Variants in DMD observed in about 807,000 individuals in gnomAD.
The protein encoded by DMD is dystrophin, also known as mutant dystrophin.
In DMD, 63 loss-of-function variants were observed where a neutral mutation model predicts 330.1. The observed-to-expected ratio is 0.19, with a 90% CI of 0.16 to 0.24. The LOEUF is 0.24. Ranked by LOEUF, DMD falls within the 10% of genes least tolerant of loss-of-function variation. The probability of loss-of-function intolerance (pLI) is 1.00; values close to 1 mark genes in which losing one functional copy is unlikely to be tolerated. For missense variants in DMD, 3,344 were observed against 2,684.1 expected (o/e 1.25, Z -5.43); for synonymous variants, 1,223 against 959.8 (o/e 1.27, Z -5.07).
chrX:32,723,630 T>C (rs2066558963), intron 7 of DMD, among the ~76,000 whole-genome samples: 2 of 111,380 alleles, frequency 1.8e-5, no homozygotes, highest in Admixed American at 9.6e-5. Flanking sequence ...TATTGTACAC[T>C]GAACATTAGC....
chrX:32,858,809 A>C (rs1290222734), intron 2 of DMD, among the ~76,000 whole-genome samples: 1 of 110,731 alleles, frequency 9.0e-6, no homozygotes, highest in Non-Finnish European at 1.9e-5. Flanking sequence ...CTAACATACT[A>C]TTTCTCTTGG....
intron 61 of DMD, among the ~76,000 whole-genome samples, chrX:31,341,886 C>T (rs891709674): frequency 1.4e-5 from 1 of 72,145 alleles, no homozygotes; most frequent in African/African-American, 5.7e-5. Context: ...CGTGCGTGCG[C>T]GCGCGCACAC....
At chrX:31,947,968 G>A (rs773051380) in intron 45 of DMD, among the ~76,000 whole-genome samples, 1 of 110,760 alleles carries the variant, frequency 9.0e-6, no homozygotes, top group East Asian at 2.8e-4. Context: ...CAGATCTTTA[G>A]AACTTATTTA....
chrX:32,659,061 C>T (rs1187999135), intron 9 of DMD, among the ~76,000 whole-genome samples: 2 of 111,974 alleles, frequency 1.8e-5, no homozygotes. Context: ...TTCACTGCCT[C>T]ATTGTTTTTA....
chrX:32,720,252 A>AGCT (rs1304785592), intron 7 of DMD, among the ~76,000 whole-genome samples: 6 of 111,168 alleles, frequency 5.4e-5, no homozygotes, highest in African/African-American at 1.6e-4. Context: ...ATGAACTCCT[A>AGCT]GAAGACAATG....
intron 44 of DMD, among the ~76,000 whole-genome samples, chrX:32,214,661 A>G (rs1225794447): frequency 8.9e-6 from 1 of 111,781 alleles, no homozygotes; most frequent in African/African-American, 3.3e-5. Flanking sequence ...AGTGGGGAAA[A>G]AGTAGCCCTA....
chrX:31,122,352 G>A (rs1430975641), intron 78 of DMD, among the ~76,000 whole-genome samples: 1 of 110,656 alleles, frequency 9.0e-6, no homozygotes, highest in East Asian at 2.8e-4. Context: ...TTGTATTAAC[G>A]AACATTTTTT....
In DMD at chrX:33,038,431, C is replaced by T. The variant is rs1402395898; in HGVS notation, c.32-18231G>A. ...CAATAATAAAATAAGCAAATGCCTG[C>T]TTTTATTTTCTCCTAATTAACAAGT... is the stretch of plus-strand genomic sequence containing the variant. On this transcript the variant is annotated intron_variant, in intron 1 of 78. Coordinates refer to ENST00000357033, the MANE Select transcript of DMD (RefSeq NM_004006.3). Among the ~76,000 whole-genome samples, 3 of 111,724 alleles carry T rather than the reference C, an allele frequency of 2.7e-5. No individual in the cohort carries two copies. The East Asian group carries it at 8.5e-4, about 32-fold the overall frequency.
At chrX:31,843,847 T>TATTGTATTGTATTGTATGGTATTATATTG (rs774530515) in intron 48 of DMD, among the ~76,000 whole-genome samples, 1 of 109,178 alleles carries the variant, frequency 9.2e-6, no homozygotes, top group East Asian at 2.9e-4. Context: ...GTTTGAGATT[T>TATTGTATTGTATTGTATGGTATTATATTG]TATTGTATTG....
At chrX:32,817,509 C>A (rs1469985120) in intron 5 of DMD, among the ~76,000 whole-genome samples, 1 of 111,939 alleles carries the variant, frequency 8.9e-6, no homozygotes, top group Non-Finnish European at 1.9e-5. Context: ...ATAGAAAAAA[C>A]TGTCTACATC....
chrX:32,727,773 A>G (rs1434076146), intron 7 of DMD, among the ~76,000 whole-genome samples: 1 of 111,022 alleles, frequency 9.0e-6, no homozygotes, highest in Non-Finnish European at 1.9e-5. Context: ...ACACATATAC[A>G]TATTAGCCTT....
intron 2 of DMD, among the ~76,000 whole-genome samples, chrX:32,863,915 T>TCTA (rs1263340104): frequency 8.9e-6 from 1 of 111,847 alleles, no homozygotes; most frequent in East Asian, 2.8e-4. Context: ...TAAGGGTCTG[T>TCTA]CTACAGGAAG....
chrX:31,377,759 CCT>C (rs1398244863), intron 60 of DMD, among the ~76,000 whole-genome samples: 3 of 111,863 alleles, frequency 2.7e-5, no homozygotes, highest in Non-Finnish European at 3.8e-5. Context: ...CATCATATCC[CCT>C]GTGACCTGCA....
intron 7 of DMD, among the ~76,000 whole-genome samples, chrX:32,727,764 C>T (rs747774990): frequency 2.4e-4 from 26 of 109,656 alleles, no homozygotes; most frequent in Non-Finnish European, 4.9e-4. Context: ...TACACATACA[C>T]ACATATACAT....
intron 60 of DMD, among the ~76,000 whole-genome samples, chrX:31,356,331 C>T (rs931962552): frequency 9.0e-6 from 1 of 110,943 alleles, no homozygotes; most frequent in Non-Finnish European, 1.9e-5. Flanking sequence ...TGACTTCTTT[C>T]TTAATCTGAC....
At chrX:32,906,695 T>A (rs1331217746) in intron 2 of DMD, among the ~76,000 whole-genome samples, 1 of 111,314 alleles carries the variant, frequency 9.0e-6, no homozygotes, top group Non-Finnish European at 1.9e-5. Flanking sequence ...ATTTAATTGA[T>A]CTTTCTAAAA....
intron 17 of DMD, among the ~76,000 whole-genome samples, chrX:32,526,669 G>A (rs1344030238): frequency 9.0e-6 from 1 of 111,606 alleles, no homozygotes; most frequent in African/African-American, 3.3e-5. Context: ...AGATACCTGT[G>A]TATATAAATG....
At chrX:31,277,741 C>T (rs954950268) in intron 62 of DMD, among the ~76,000 whole-genome samples, 3 of 111,551 alleles carry the variant, frequency 2.7e-5, no homozygotes, top group African/African-American at 6.5e-5. Flanking sequence ...AAACTAACTA[C>T]AGTGTTTTTC....
At chrX:31,507,545 T>C (rs2071076551) in intron 55 of DMD, 92 bp from the exon 56 acceptor site, 1 of 866,801 alleles carries the variant, frequency 1.2e-6, no homozygotes, top group South Asian at 2.2e-5. Flanking sequence ...AAAATATAAA[T>C]AATTATTAGT....
Sources: gnomAD v4.1 joint callset for allele counts (sites outside exome capture counted in the v4.1 genomes callset) on GRCh38, gnomAD v4.1.1 for gene constraint, MANE v1.5 for transcripts, NCBI Gene and HGNC (gene_info 2026-07-23, HGNC 2026-07-21) for gene names.